Variants in STX12 observed in about 807,000 individuals in gnomAD.
The protein encoded by STX12 is syntaxin 12.
A neutral mutation model predicts 42.2 loss-of-function variants in STX12; 17 were observed. That is an observed-to-expected ratio of 0.40 (90% CI 0.28 to 0.60). The LOEUF is 0.60. STX12 is among the 20% of genes least tolerant of loss of function. The pLI is 0.39. For synonymous variants in STX12, 108 were observed against 116.7 expected (o/e 0.93, Z 0.48); for missense variants, 297 against 330.9 (o/e 0.90, Z 0.79).
At chr1:27,819,612 T>C in intron 7 of STX12, 38 bp from the exon 8 acceptor site, 2 of 1,574,152 alleles carry the variant, frequency 1.3e-6, no homozygotes, top group Non-Finnish European at 1.7e-6. Context: ...TTAAAACATC[T>C]GAGTGTGTTA....
Position 27,822,508 on chromosome 1 carries a change from A to G in STX12, c.*179A>G. 1 of 486,784 alleles carries G rather than the reference A, an allele frequency of 2.1e-6. No individual in the cohort carries two copies. Among genetic ancestry groups the G allele is most frequent in the South Asian group, 3.6e-5 (1 of 27,774 alleles). 30.2% of individuals were successfully genotyped at this position (486,784 alleles called of 1,614,324 possible). A position where few individuals can be genotyped will look rare whatever the true frequency, so the allele number is the denominator to read the frequency against. ...TGACCTATGGAGACAGTAATTATCAATTTATTGATTCTATTGATTTCTCAA... is the reference window on the plus strand; with the variant it reads ...TGACCTATGGAGACAGTAATTATCAGTTTATTGATTCTATTGATTTCTCAA... On this transcript the variant is annotated 3_prime_UTR_variant, in exon 9 of 9. Coordinates refer to ENST00000373943, the MANE Select transcript of STX12 (RefSeq NM_177424.3).
chr1:27,812,934 TA>T (rs1391491149), intron 6 of STX12, among the ~76,000 whole-genome samples: 2 of 152,172 alleles, frequency 1.3e-5, no homozygotes, highest in Admixed American at 1.3e-4. Flanking sequence ...ACCTCCGGGT[TA>T]GGCAGGACTC....
chr1:27,790,192 C>T (rs1427948212), intron 2 of STX12, among the ~76,000 whole-genome samples: 1 of 152,204 alleles, frequency 6.6e-6, no homozygotes, highest in Non-Finnish European at 1.5e-5. Context: ...TTAGTTCCTT[C>T]TGGTGGGTTC....
At chr1:27,793,492 A>C in intron 2 of STX12, 41 bp from the exon 3 acceptor site, 1 of 1,563,930 alleles carries the variant, frequency 6.4e-7, no homozygotes, top group Non-Finnish European at 8.8e-7. Flanking sequence ...TAACCCTCTC[A>C]AGAAGTGACA....
chr1:27,798,962 A>G (rs1007472407), intron 3 of STX12, among the ~76,000 whole-genome samples: 12 of 151,838 alleles, frequency 7.9e-5, no homozygotes, highest in African/African-American at 2.9e-4. Flanking sequence ...TCAAAAAAAA[A>G]AAAAACAAAA....
chr1:27,794,724 T>A (rs752716772), intron 3 of STX12, among the ~76,000 whole-genome samples: 2 of 152,174 alleles, frequency 1.3e-5, no homozygotes, highest in Admixed American at 1.3e-4. Flanking sequence ...TATTGCTTTT[T>A]AAATTTTATT....
chr1:27,807,212 A>G (rs553391338), intron 4 of STX12, among the ~76,000 whole-genome samples: 63 of 152,234 alleles, frequency 4.1e-4, no homozygotes, highest in African/African-American at 1.4e-3. Context: ...AGACAATTCA[A>G]TTATACTCTT....
intron 1 of STX12, among the ~76,000 whole-genome samples, chr1:27,779,233 C>T (rs775475233): frequency 1.2e-4 from 19 of 152,166 alleles, no homozygotes; most frequent in Non-Finnish European, 2.5e-4. Context: ...GTGCTATCAG[C>T]ACTATGTCTA....
intron 3 of STX12, among the ~76,000 whole-genome samples, chr1:27,795,679 T>G (rs2088781424): frequency 6.6e-6 from 1 of 152,196 alleles, no homozygotes; most frequent in Admixed American, 6.5e-5. Flanking sequence ...TGATAAACTG[T>G]TCCATGTAGC....
chr1:27,812,357 GA>G (rs1217105425), intron 6 of STX12, 89 bp downstream of exon 6: 9 of 965,728 alleles, frequency 9.3e-6, no homozygotes, highest in Non-Finnish European at 1.4e-5. Context: ...TAGTGATTAT[GA>G]AAAGGCATAA....
chr1:27,788,041 G>A (rs983127830), intron 1 of STX12, among the ~76,000 whole-genome samples: 4 of 152,138 alleles, frequency 2.6e-5, no homozygotes, highest in Admixed American at 6.6e-5. Flanking sequence ...AGGATAGAAA[G>A]GGCTCTCACA....
At chr1:27,802,736 C>T (rs2088835512) in intron 4 of STX12, among the ~76,000 whole-genome samples, 1 of 152,114 alleles carries the variant, frequency 6.6e-6, no homozygotes, top group Non-Finnish European at 1.5e-5. Context: ...AAGTACCAGT[C>T]ACTAAAAATA....
At chr1:27,810,576 C>T (rs998902445) in intron 5 of STX12, among the ~76,000 whole-genome samples, 2 of 152,136 alleles carry the variant, frequency 1.3e-5, no homozygotes, top group African/African-American at 4.8e-5. Context: ...TATGAACCTA[C>T]ATGTCTACAG....
chr1:27,818,614 AATT>A (rs1312370626), intron 7 of STX12, among the ~76,000 whole-genome samples: 1 of 151,942 alleles, frequency 6.6e-6, no homozygotes, highest in Non-Finnish European at 1.5e-5. Flanking sequence ...AAACTTGCAA[AATT>A]ATGGGGTTAG....
chr1:27,822,158 G>A (rs932738175), intron 8 of STX12, 73 bp from the exon 9 acceptor site: 3 of 888,976 alleles, frequency 3.4e-6, no homozygotes, highest in Admixed American at 3.6e-5. Context: ...GATTTATGAA[G>A]CATTCTTAGA....
chr1:27,775,196 A>G (rs11247683), intron 1 of STX12, among the ~76,000 whole-genome samples: 25,626 of 152,146 alleles, frequency 0.17, 5,726 homozygotes, highest in African/African-American at 0.51. Flanking sequence ...CCATCTATCC[A>G]TCTTCGTGTG....
intron 8 of STX12, 116 bp downstream of exon 8, chr1:27,819,848 T>G: frequency 1.3e-6 from 1 of 764,102 alleles, no homozygotes; most frequent in South Asian, 1.8e-5. Context: ...TAAAGGAAAG[T>G]AGTCATAATT....
chr1:27,814,267 C>T (rs900014013), intron 6 of STX12, among the ~76,000 whole-genome samples: 1 of 152,234 alleles, frequency 6.6e-6, no homozygotes, highest in African/African-American at 2.4e-5. Flanking sequence ...TGCAATGGCT[C>T]ATGCCTGTAA....
chr1:27,817,545 G>A (rs780091762), intron 6 of STX12, among the ~76,000 whole-genome samples: 1 of 152,146 alleles, frequency 6.6e-6, no homozygotes, highest in Non-Finnish European at 1.5e-5. Context: ...TCTCCACATA[G>A]GGCTATCACA....
Sources: gnomAD v4.1 joint callset for allele counts (sites outside exome capture counted in the v4.1 genomes callset) on GRCh38, gnomAD v4.1.1 for gene constraint, MANE v1.5 for transcripts, NCBI Gene and HGNC (gene_info 2026-07-23, HGNC 2026-07-21) for gene names.